Variants in CADPS2 observed in about 807,000 individuals in gnomAD.
The protein encoded by CADPS2 is calcium-dependent secretion activator 2.
A neutral mutation model predicts 172.5 loss-of-function variants in CADPS2; 93 were observed. The ratio of observed to expected loss-of-function variants is 0.54; its 90% confidence interval spans 0.46 to 0.64. The LOEUF (loss-of-function observed/expected upper bound fraction) is 0.64, where lower values mean the gene tolerates loss of function less well. Ranked by LOEUF, CADPS2 falls within the 30% of genes least tolerant of loss-of-function variation. CADPS2 has a pLI of 0.00. For synonymous variants in CADPS2, 546 were observed against 555.2 expected (o/e 0.98, Z 0.23); for missense variants, 1,420 against 1,565.9 (o/e 0.91, Z 1.57).
chr7:122,391,085 T>C (rs977674365), intron 22 of CADPS2, among the ~76,000 whole-genome samples: 15 of 152,218 alleles, frequency 9.9e-5, no homozygotes, highest in African/African-American at 3.6e-4. Context: ...TTTAATTCTT[T>C]ATGTTAAATA....
chr7:122,808,242 G>A (rs999194626), intron 1 of CADPS2, among the ~76,000 whole-genome samples: 46 of 94,190 alleles, frequency 4.9e-4, no homozygotes, highest in African/African-American at 2.0e-3. Context: ...ATGGTGCAGT[G>A]TGTTGTTAAA....
chr7:122,320,224 C>T lies in CADPS2; in HGVS notation c.3832G>A (p.Glu1278Lys). ...GTAATGCCCTGAAGTCCTCCTCCTT[C>T]TGAAACAGAGGCTGTGGCCTCCTCT... ...TVEEATASVS[E>K]GGGLQGITMK... The change falls in exon 30 of 30, where the codon GAA becomes AAA. Residue 1278 changes from glutamate to lysine, a missense_variant. Transcript: ENST00000449022. 6.2e-7 allele frequency: 1 copy of T among 1,613,076 alleles called. No homozygotes were observed. Among genetic ancestry groups the T allele is most frequent in the South Asian group, 1.1e-5 (1 of 90,922 alleles).
intron 28 of CADPS2, among the ~76,000 whole-genome samples, chr7:122,335,108 A>G (rs1381700706): frequency 2.0e-5 from 3 of 152,284 alleles, no homozygotes; most frequent in African/African-American, 7.2e-5. Context: ...ATTTCCCACC[A>G]TTTTTTACAC....
At chr7:122,879,406 C>T (rs1822258883) in intron 1 of CADPS2, among the ~76,000 whole-genome samples, 1 of 150,756 alleles carries the variant, frequency 6.6e-6, no homozygotes, top group South Asian at 2.1e-4. Flanking sequence ...CACGGTGGCA[C>T]GTGCCTGTAG....
chr7:122,654,213 G>T (rs1177294588), intron 3 of CADPS2, among the ~76,000 whole-genome samples: 2 of 152,216 alleles, frequency 1.3e-5, no homozygotes, highest in African/African-American at 4.8e-5. Context: ...AATGCAAGGT[G>T]AAGCAGCAAG....
At chr7:122,671,584 C>G (rs1199310268) in intron 2 of CADPS2, among the ~76,000 whole-genome samples, 17 of 151,922 alleles carry the variant, frequency 1.1e-4, no homozygotes, top group Admixed American at 1.1e-3. Flanking sequence ...ACTACTACTA[C>G]TACTAAAAAT....
intron 1 of CADPS2, among the ~76,000 whole-genome samples, chr7:122,769,992 A>G (rs1430987644): frequency 6.6e-6 from 1 of 152,184 alleles, no homozygotes; most frequent in East Asian, 1.9e-4. Context: ...TATTAACTCA[A>G]TCCACACAAC....
intron 1 of CADPS2, among the ~76,000 whole-genome samples, chr7:122,796,752 GA>G (rs77803096): frequency 2.1e-5 from 3 of 145,406 alleles, no homozygotes; most frequent in Non-Finnish European, 3.0e-5. Flanking sequence ...ATCCAAAACT[GA>G]AAAAAAAAAC....
At chr7:122,812,045 T>C (rs1800132266) in intron 1 of CADPS2, among the ~76,000 whole-genome samples, 1 of 152,044 alleles carries the variant, frequency 6.6e-6, no homozygotes, top group Non-Finnish European at 1.5e-5. Context: ...CACTCCTCTA[T>C]ATTTCCTTTC....
intron 9 of CADPS2, among the ~76,000 whole-genome samples, chr7:122,500,980 C>T (rs1221016388): frequency 6.6e-6 from 1 of 152,122 alleles, no homozygotes; most frequent in Non-Finnish European, 1.5e-5. Context: ...CTAGGCCAGG[C>T]ACAGTGGCTT....
intron 29 of CADPS2, among the ~76,000 whole-genome samples, chr7:122,322,930 A>C (rs890284747): frequency 9.2e-5 from 14 of 152,210 alleles, no homozygotes; most frequent in African/African-American, 3.1e-4. Context: ...GGTAGAATAC[A>C]CTACTCTGCT....
chr7:122,490,217 A>G lies in CADPS2; in HGVS notation c.1716T>C (p.Ser572=). The G allele has an allele frequency of 6.2e-7, 1 of 1,613,368 alleles. No homozygotes were observed. The highest frequency in any genetic ancestry group is 1.7e-5 in the Admixed American group (1 of 60,002). Residue 572 remains serine (S), a synonymous_variant, in exon 11 of 30, where the codon AGT becomes AGC. Transcript: ENST00000449022. The part of the protein sequence containing the change: ...VKEGDTVIFA[S]DDEQDRILWV... ...ATAATATTCTGTCCTGTTCATCATCACTGGCAAAGATTACAGTATCTCCTT... is the reference window on the plus strand; with the variant it reads ...ATAATATTCTGTCCTGTTCATCATCGCTGGCAAAGATTACAGTATCTCCTT...
At chr7:122,660,535 C>T (rs2430036) in intron 3 of CADPS2, among the ~76,000 whole-genome samples, 116,362 of 151,556 alleles carry the variant, frequency 0.77, 44,740 homozygotes, top group Non-Finnish European at 0.81. Flanking sequence ...AATCCAACTA[C>T]ATTAGTAATC....
intron 2 of CADPS2, among the ~76,000 whole-genome samples, chr7:122,733,944 ATAAAT>A (rs1031306201): frequency 5.3e-5 from 8 of 152,202 alleles, no homozygotes; most frequent in African/African-American, 1.4e-4. Flanking sequence ...TTGTCTCAAA[ATAAAT>A]TAAATTAAAA....
intron 7 of CADPS2, among the ~76,000 whole-genome samples, chr7:122,559,202 C>G (rs1033930620): frequency 6.6e-6 from 1 of 152,074 alleles, no homozygotes; most frequent in Non-Finnish European, 1.5e-5. Flanking sequence ...ATAAGGCTGA[C>G]ATGGGGTAGG....
intron 1 of CADPS2, among the ~76,000 whole-genome samples, chr7:122,850,640 C>A (rs941621993): frequency 6.6e-6 from 1 of 152,230 alleles, no homozygotes; most frequent in Non-Finnish European, 1.5e-5. Context: ...ATGGTCAGCT[C>A]CCTTCTCTGT....
chr7:122,329,206 C>T (rs2034480335), intron 28 of CADPS2, among the ~76,000 whole-genome samples: 1 of 152,136 alleles, frequency 6.6e-6, no homozygotes, highest in South Asian at 2.1e-4. Context: ...CCTCAGTGGA[C>T]CTTTAGTCTT....
At chr7:122,627,273 ATAAT>A (rs2076171582) in intron 4 of CADPS2, among the ~76,000 whole-genome samples, 1 of 152,252 alleles carries the variant, frequency 6.6e-6, no homozygotes. Flanking sequence ...TTGTCAGAAA[ATAAT>A]TCAGCAAGGT....
chr7:122,675,684 C>G (rs542834331), intron 2 of CADPS2, among the ~76,000 whole-genome samples: 7 of 152,244 alleles, frequency 4.6e-5, no homozygotes, highest in Admixed American at 3.9e-4. Flanking sequence ...GTGGACGAAG[C>G]TGGAAGCCAT....
Sources: allele counts gnomAD v4.1 joint callset (sites outside exome capture counted in the v4.1 genomes callset), GRCh38; gene constraint gnomAD v4.1.1; transcripts MANE v1.5; gene names NCBI Gene and HGNC (gene_info 2026-07-23, HGNC 2026-07-21).